Variants in NELL1 observed in about 807,000 individuals in gnomAD.
The protein encoded by NELL1 is protein kinase C-binding protein NELL1.
Under a neutral mutation model 107.4 loss-of-function variants are expected in NELL1, and 76 were observed. The observed-to-expected ratio is 0.71, with a 90% CI of 0.59 to 0.86. The LOEUF (loss-of-function observed/expected upper bound fraction) is 0.86. Among genes scored for constraint, NELL1 ranks in the 40% least tolerant of loss-of-function variants. The probability of loss-of-function intolerance (pLI) is 0.00; values close to 1 mark genes in which losing one functional copy is unlikely to be tolerated. For synonymous variants in NELL1, 353 were observed against 341.2 expected, an observed-to-expected ratio of 1.03 and a Z score of -0.38; for missense variants, 1,024 against 1,005.5, an observed-to-expected ratio of 1.02 and a Z score of -0.25.
chr11:20,865,124 C>T (rs1849070997), intron 4 of NELL1, among the ~76,000 whole-genome samples: 1 of 152,214 alleles, frequency 6.6e-6, no homozygotes, highest in South Asian at 2.1e-4. Flanking sequence ...CAGTGGAAAT[C>T]TCTATCTGCA....
At chr11:21,442,405 A>T (rs567585740) in intron 15 of NELL1, among the ~76,000 whole-genome samples, 2 of 152,168 alleles carry the variant, frequency 1.3e-5, no homozygotes, top group Non-Finnish European at 2.9e-5. Flanking sequence ...ATTTTCCACC[A>T]CCTGGCACTG....
intron 15 of NELL1, among the ~76,000 whole-genome samples, chr11:21,416,622 G>A (rs1478695504): frequency 6.6e-6 from 1 of 152,084 alleles, no homozygotes; most frequent in East Asian, 1.9e-4. Context: ...TCTGGAAGAT[G>A]TTAATATGGT....
At chr11:21,101,609 A>T (rs2133706088) in intron 12 of NELL1, among the ~76,000 whole-genome samples, 1 of 151,472 alleles carries the variant, frequency 6.6e-6, no homozygotes, top group South Asian at 2.1e-4. Context: ...GCATTTTTTC[A>T]TGTGTCTTTT....
chr11:20,839,371 A>T (rs376758428), intron 3 of NELL1, among the ~76,000 whole-genome samples: 3 of 152,214 alleles, frequency 2.0e-5, no homozygotes, highest in Admixed American at 2.0e-4. Context: ...CAGAACTAAT[A>T]TGTAACTTTA....
In NELL1 at chr11:20,881,170, A is replaced by G. The variant is rs565320221; in HGVS notation, c.507-4274A>G. On this transcript the variant is annotated intron_variant, in intron 4 of 19. Coordinates refer to ENST00000357134, the MANE Select transcript of NELL1 (RefSeq NM_006157.5). Reference sequence around the variant, plus strand: ...TAGTTAGGAATTTTACTTTATTTGAATGAGTTAGGTTTTCACGTTGCTCTA... The same window carrying G: ...TAGTTAGGAATTTTACTTTATTTGAGTGAGTTAGGTTTTCACGTTGCTCTA... 7.2e-5 allele frequency among the ~76,000 whole-genome samples: 11 copies of G among 152,276 alleles called. No individual in the cohort carries two copies. In the South Asian group the frequency reaches 2.1e-3, roughly 29 times the overall value.
intron 2 of NELL1, among the ~76,000 whole-genome samples, chr11:20,689,857 C>A (rs1854413857): frequency 6.6e-6 from 1 of 151,324 alleles, no homozygotes; most frequent in Non-Finnish European, 1.5e-5. Context: ...TGAGGAATCG[C>A]CACACTGACT....
chr11:20,993,766 A>C (rs1440313747), intron 12 of NELL1, among the ~76,000 whole-genome samples: 1 of 152,172 alleles, frequency 6.6e-6, no homozygotes, highest in Non-Finnish European at 1.5e-5. Flanking sequence ...ATGTCTGTAC[A>C]TATTCAATAC....
In NELL1 at chr11:21,497,456, T is replaced by G. The variant is rs954104676; in HGVS notation, c.1646-36918T>G. 2.0e-5 allele frequency among the ~76,000 whole-genome samples: 3 copies of G among 152,286 alleles called. No individual in the cohort carries two copies. In the East Asian group the frequency reaches 5.8e-4, roughly 29 times the overall value. On this transcript the variant is annotated intron_variant, in intron 15 of 19. Transcript: ENST00000357134. ...TTATTTTTGTTTGACTCTCTTATGA[T>G]CCAGAACTTGATTAAGAAAGTCTTT...
At chr11:20,915,717 A>ATATATATATATATTTTTTTTTTTTTTTT in intron 5 of NELL1, among the ~76,000 whole-genome samples, 3 of 58,218 alleles carry the variant, frequency 5.2e-5, no homozygotes, top group Admixed American at 2.1e-4. Flanking sequence ...ATATATATAT[A>ATATATATATATATTTTTTTTTTTTTTTT]TTTTTTTTTT....
chr11:20,930,557 CATTTTTGTAT>C (rs1176489187), intron 9 of NELL1, among the ~76,000 whole-genome samples: 2 of 151,972 alleles, frequency 1.3e-5, no homozygotes, highest in Non-Finnish European at 2.9e-5. Context: ...ATAGAAAACA[CATTTTTGTAT>C]ATTTTTGTAT....
rs397772940 is a variant in NELL1, at chr11:20,841,319, G to GTT, written c.336-6247_336-6246dup. 2.5e-3 allele frequency among the ~76,000 whole-genome samples: 303 copies of GTT among 123,488 alleles called. 1 individual carries two copies. Among genetic ancestry groups the GTT allele is most frequent in the Middle Eastern group, 8.7e-3 (2 of 230 alleles). The allele number at this position is 123,488 out of a possible 152,430, so 81.0% of individuals were successfully genotyped here. On this transcript the variant is annotated intron_variant, in intron 3 of 19. Transcript: ENST00000357134. The stretch of plus-strand genomic sequence containing the variant: ...CATAATACACAGCACCTCTGCTCAT[G>GTT]TTTTTTTTTTTTTTTTTTGGTGACA...
chr11:21,311,196 T>G (rs1329019425), intron 14 of NELL1, among the ~76,000 whole-genome samples: 1 of 152,204 alleles, frequency 6.6e-6, no homozygotes, highest in Non-Finnish European at 1.5e-5. Flanking sequence ...AGCAATATAC[T>G]AAATATCTCT....
At chr11:21,164,011 T>C (rs1438098177) in intron 13 of NELL1, among the ~76,000 whole-genome samples, 2 of 152,026 alleles carry the variant, frequency 1.3e-5, no homozygotes, top group South Asian at 4.1e-4. Flanking sequence ...TGTATGCCCA[T>C]AGAGAAAAAA....
At chr11:20,763,061 G>A (rs1437539714) in intron 2 of NELL1, among the ~76,000 whole-genome samples, 38 of 152,234 alleles carry the variant, frequency 2.5e-4, no homozygotes, top group Non-Finnish European at 4.4e-5. Flanking sequence ...TGTGGATGCA[G>A]GGCTTAGTGA....
At chr11:21,197,453 A>G (rs983770423) in intron 13 of NELL1, among the ~76,000 whole-genome samples, 6 of 151,400 alleles carry the variant, frequency 4.0e-5, no homozygotes, top group Non-Finnish European at 8.8e-5. Context: ...CTTTCTTGGT[A>G]TGATTTTCTA....
chr11:20,709,081 C>A (rs1412019603), intron 2 of NELL1, among the ~76,000 whole-genome samples: 2 of 152,116 alleles, frequency 1.3e-5, no homozygotes, highest in Non-Finnish European at 2.9e-5. Context: ...TGCTCACCTG[C>A]TGCTGTGTGG....
intron 12 of NELL1, among the ~76,000 whole-genome samples, chr11:21,000,281 C>A (rs1852187996): frequency 6.6e-6 from 1 of 151,756 alleles, no homozygotes; most frequent in Admixed American, 6.6e-5. Flanking sequence ...AAAAAAGAAT[C>A]TTAATCCAGT....
chr11:21,566,629 G>T (rs1199543077), intron 17 of NELL1, among the ~76,000 whole-genome samples: 1 of 151,756 alleles, frequency 6.6e-6, no homozygotes, highest in East Asian at 2.0e-4. Flanking sequence ...AGTAGGGATT[G>T]TTCAAACCAC....
rs182420440 is a variant in NELL1 at position 21,485,444 on chromosome 11, G to C, written c.1646-48930G>C. On this transcript the variant is annotated intron_variant, in intron 15 of 19. Coordinates refer to ENST00000357134, the MANE Select transcript of NELL1 (RefSeq NM_006157.5). ...GGCCTCCAATCCTGCACCAGTCCAA[G>C]TTCACAGCCCTTAGAGGACTGTGTC... Among the ~76,000 whole-genome samples, 114 of 150,252 alleles carry C rather than the reference G, an allele frequency of 7.6e-4. 2 individuals are homozygous for C. Among genetic ancestry groups the C allele is most frequent in the African/African-American group, 2.7e-3 (110 of 40,858 alleles).
Sources: allele counts gnomAD v4.1 joint callset (sites outside exome capture counted in the v4.1 genomes callset), GRCh38; gene constraint gnomAD v4.1.1; transcripts MANE v1.5; gene names NCBI Gene and HGNC (gene_info 2026-07-23, HGNC 2026-07-21).